Variants in ADAMTSL1 observed in about 807,000 individuals in gnomAD.
ADAMTSL1 encodes ADAMTS-like protein 1.
ADAMTSL1 carries 126 observed loss-of-function variants against 201.8 expected under a neutral mutation model. That is an observed-to-expected ratio of 0.62 (90% confidence interval 0.54 to 0.72). The LOEUF (loss-of-function observed/expected upper bound fraction) is 0.72, where lower values mean the gene tolerates loss of function less well. Ranked by LOEUF, ADAMTSL1 falls within the 30% of genes least tolerant of loss-of-function variation. ADAMTSL1 has a pLI of 0.00. For missense variants in ADAMTSL1, 2,679 were observed against 2,277.8 expected, an observed-to-expected ratio of 1.18 and a Z score of -3.59; for synonymous variants, 1,121 against 903.4, an observed-to-expected ratio of 1.24 and a Z score of -4.32.
chr9:18,370,638 CT>C (rs1485584415), intron 2 of ADAMTSL1, among the ~76,000 whole-genome samples: 9 of 148,970 alleles, frequency 6.0e-5, no homozygotes, highest in Admixed American at 6.0e-4. Flanking sequence ...AGTATGTCCC[CT>C]TTTGGGTTGT....
intron 2 of ADAMTSL1, among the ~76,000 whole-genome samples, chr9:18,530,030 C>T (rs1359579987): frequency 1.3e-5 from 2 of 152,080 alleles, no homozygotes; most frequent in Non-Finnish European, 2.9e-5. Context: ...TAGGTATTTG[C>T]AGGTTAAAAT....
At chr9:18,755,473 A>G (rs890841067) in intron 16 of ADAMTSL1, among the ~76,000 whole-genome samples, 1 of 152,170 alleles carries the variant, frequency 6.6e-6, no homozygotes, top group Non-Finnish European at 1.5e-5. Flanking sequence ...CATCTTCCTG[A>G]TATGTTTTTT....
chr9:18,245,101 G>T (rs1185476541), intron 2 of ADAMTSL1, among the ~76,000 whole-genome samples: 1 of 152,116 alleles, frequency 6.6e-6, no homozygotes, highest in Non-Finnish European at 1.5e-5. Context: ...TACATGGCAG[G>T]TGTTAGATCA....
At chr9:18,119,135 T>C (rs1391306680) in intron 1 of ADAMTSL1, among the ~76,000 whole-genome samples, 1 of 152,176 alleles carries the variant, frequency 6.6e-6, no homozygotes, top group Non-Finnish European at 1.5e-5. Context: ...TATGAACTAA[T>C]ATTTTAAAAT....
rs1270901117 is a variant in ADAMTSL1, at chr9:18,896,747, G to C, written c.4851+4151G>C. ...TCAGTGGATCAGGAGATCCCCTAGTGAGCCAATGCAACCAAGGCCTTGGGT... is the reference window on the plus strand; with the variant it reads ...TCAGTGGATCAGGAGATCCCCTAGTCAGCCAATGCAACCAAGGCCTTGGGT... On this transcript the variant is annotated intron_variant, in intron 26 of 28. Transcript: ENST00000380548. 3.3e-5 allele frequency among the ~76,000 whole-genome samples: 5 copies of C among 152,284 alleles called. 1 individual carries two copies. Among genetic ancestry groups the C allele is most frequent in the African/African-American group, 9.6e-5 (4 of 41,560 alleles).
chr9:18,326,761 T>C (rs1391244010), intron 2 of ADAMTSL1, among the ~76,000 whole-genome samples: 1 of 152,240 alleles, frequency 6.6e-6, no homozygotes, highest in Non-Finnish European at 1.5e-5. Context: ...TCATTTTCCA[T>C]ATACTTGACC....
intron 2 of ADAMTSL1, among the ~76,000 whole-genome samples, chr9:18,409,729 A>AT (rs1188323570): frequency 6.6e-6 from 1 of 150,798 alleles, no homozygotes; most frequent in Non-Finnish European, 1.5e-5. Context: ...GTATGTATAC[A>AT]TATAAGTATC....
chr9:18,425,674 C>T (rs1158595119), intron 2 of ADAMTSL1, among the ~76,000 whole-genome samples: 2 of 151,530 alleles, frequency 1.3e-5, no homozygotes, highest in African/African-American at 2.4e-5. Flanking sequence ...GGCATCATAG[C>T]GAGAACCCAT....
intron 1 of ADAMTSL1, among the ~76,000 whole-genome samples, chr9:17,907,634 G>A (rs768164504): frequency 6.6e-6 from 1 of 152,220 alleles, no homozygotes; most frequent in Non-Finnish European, 1.5e-5. Context: ...CAGGCCCTGA[G>A]GCGGCGCGGA....
intron 1 of ADAMTSL1, among the ~76,000 whole-genome samples, chr9:18,030,357 T>C (rs1820895009): frequency 6.6e-6 from 1 of 151,530 alleles, no homozygotes; most frequent in African/African-American, 2.4e-5. Context: ...TGAGAACACA[T>C]GGACACAGGA....
intron 1 of ADAMTSL1, among the ~76,000 whole-genome samples, chr9:17,950,241 A>G (rs1010097589): frequency 1.3e-5 from 2 of 152,178 alleles, no homozygotes; most frequent in African/African-American, 4.8e-5. Flanking sequence ...CTTCAAAATT[A>G]TATTTAAAAA....
At chr9:18,263,334 A>G (rs1420912310) in intron 2 of ADAMTSL1, among the ~76,000 whole-genome samples, 2 of 152,144 alleles carry the variant, frequency 1.3e-5, no homozygotes, top group African/African-American at 4.8e-5. Context: ...GAATTTTCTA[A>G]TATCTCCCTT....
chr9:18,133,762 T>C (rs1826045107), intron 1 of ADAMTSL1, among the ~76,000 whole-genome samples: 1 of 152,068 alleles, frequency 6.6e-6, no homozygotes, highest in Non-Finnish European at 1.5e-5. Context: ...ATGTATATAT[T>C]TACACACACG....
intron 2 of ADAMTSL1, among the ~76,000 whole-genome samples, chr9:18,357,152 C>CT (rs1170215432): frequency 4.6e-5 from 7 of 151,952 alleles, no homozygotes; most frequent in African/African-American, 1.7e-4. Context: ...TAAGTTAATG[C>CT]TTTTTAATAG....
At chr9:18,205,199 T>C (rs1829600600) in intron 2 of ADAMTSL1, among the ~76,000 whole-genome samples, 1 of 152,172 alleles carries the variant, frequency 6.6e-6, no homozygotes, top group African/African-American at 2.4e-5. Context: ...GATTTTACTA[T>C]GTTAAAACAA....
At chr9:17,939,877 G>A (rs548190829) in intron 1 of ADAMTSL1, among the ~76,000 whole-genome samples, 2 of 152,154 alleles carry the variant, frequency 1.3e-5, no homozygotes, top group Non-Finnish European at 1.5e-5. Flanking sequence ...GGACATGAAG[G>A]GGGGAGCAAA....
intron 1 of ADAMTSL1, among the ~76,000 whole-genome samples, chr9:18,503,039 A>G (rs2131919006): frequency 6.6e-6 from 1 of 152,262 alleles, no homozygotes; most frequent in South Asian, 2.1e-4. Flanking sequence ...AGTGAAATGT[A>G]CTAACACAAA....
At chr9:18,687,766 A>G (rs909787895) in intron 13 of ADAMTSL1, among the ~76,000 whole-genome samples, 2 of 152,230 alleles carry the variant, frequency 1.3e-5, no homozygotes, top group Admixed American at 1.3e-4. Context: ...CCGCTTTAAG[A>G]TGTTTAGAAG....
Position 18,380,203 on chromosome 9 carries a change from A to G in ADAMTSL1, c.208-124626A>G, listed in dbSNP as rs1490614332. ...GCTTTTCTTTTAATTTGAATGTTAT[A>G]TTGTCACTGTAAGACTCTAGAAATT... On this transcript the variant is annotated intron_variant, in intron 2 of 29. Transcript: ENST00000680146. Among the ~76,000 whole-genome samples the G allele has an allele frequency of 3.9e-5, 6 of 152,182 alleles. No homozygotes were observed. In the South Asian group the frequency reaches 1.0e-3, roughly 26 times the overall value.
Sources: allele counts gnomAD v4.1 joint callset (sites outside exome capture counted in the v4.1 genomes callset), GRCh38; gene constraint gnomAD v4.1.1; transcripts MANE v1.5; gene names NCBI Gene and HGNC (gene_info 2026-07-23, HGNC 2026-07-21).